The following SHC3 variants were observed in gnomAD, a reference collection of about 807,000 sequenced individuals.
SHC3 encodes SHC adaptor protein 3.
Under a neutral mutation model 60.4 loss-of-function variants are expected in SHC3, and 15 were observed. The observed-to-expected ratio is 0.25, with a 90% confidence interval of 0.17 to 0.38. The LOEUF (loss-of-function observed/expected upper bound fraction) is 0.38. Ranked by LOEUF, SHC3 falls within the 10% of genes least tolerant of loss-of-function variation. The pLI is 1.00. For synonymous variants in SHC3, 294 were observed against 325.9 expected, an observed-to-expected ratio of 0.90 and a Z score of 1.05; for missense variants, 677 against 786.1, an observed-to-expected ratio of 0.86 and a Z score of 1.66.
At chr9:89,165,047 A>C (rs1826765753) in intron 1 of SHC3, among the ~76,000 whole-genome samples, 1 of 152,234 alleles carries the variant, frequency 6.6e-6, no homozygotes, top group Admixed American at 6.5e-5. Flanking sequence ...CCTGTCTAAC[A>C]ATAGGGAACT....
At position 89,178,665 on chromosome 9, in the gene SHC3, C is replaced by T. The variant is rs1587774182; in HGVS notation, c.-205G>A. On this transcript the variant is annotated 5_prime_UTR_variant, in exon 1 of 12. Transcript: ENST00000375835. The surrounding 1 kb of genome is among the most constrained non-coding windows in gnomAD (Gnocchi z 6.9). ...CAGCACAGCGGCGGCCGCGCAGCCC[C>T]GGCCCGGGAGACCGCTGCTTGGGGT... The T allele has an allele frequency of 2.3e-6, 1 of 443,962 alleles. No homozygotes were observed. Among genetic ancestry groups the T allele is most frequent in the East Asian group, 3.6e-5 (1 of 27,802 alleles). 27.5% of individuals were successfully genotyped at this position (443,962 alleles called of 1,614,324 possible). A position where few individuals can be genotyped will look rare whatever the true frequency, so the allele number is the denominator to read the frequency against.
Position 89,009,721 on chromosome 9 carries a change from A to G in SHC3, c.*3726T>C, listed in dbSNP as rs1376402592. The G allele has an allele frequency of 2.0e-5, 3 of 152,220 alleles. No homozygotes were observed. Among genetic ancestry groups the G allele is most frequent in the African/African-American group, 7.2e-5 (3 of 41,442 alleles). The allele number at this position is 152,220 out of a possible 1,614,324, so 9.4% of individuals were successfully genotyped here. ...CATTGCCTCTGCCCTGGAAAGGCCT[A>G]TAGTCCGAGGCTTCTGCCCAGCTCA... On this transcript the variant is annotated 3_prime_UTR_variant, in exon 12 of 12. Coordinates refer to ENST00000375835, the MANE Select transcript of SHC3 (RefSeq NM_016848.6).
chr9:89,074,867 A>G (rs1011055931), intron 4 of SHC3, among the ~76,000 whole-genome samples: 3 of 150,978 alleles, frequency 2.0e-5, no homozygotes, highest in Non-Finnish European at 2.9e-5. Context: ...TTTTTTTTAC[A>G]TTGCAAGTAA....
intron 11 of SHC3, 73 bp downstream of exon 11, chr9:89,037,920 G>T: frequency 6.5e-7 from 1 of 1,541,752 alleles, no homozygotes; most frequent in South Asian, 1.2e-5. Context: ...GAGGGCATTT[G>T]ACAAAGTGGA....
At chr9:89,109,685 C>A (rs1328147308) in intron 2 of SHC3, 1 of 985,288 alleles carries the variant, frequency 1.0e-6, no homozygotes, top group African/African-American at 1.7e-5. Context: ...GTGAGGAGAC[C>A]ACCCCCATGC....
At chr9:89,129,978 T>A (rs1294851902) in intron 1 of SHC3, among the ~76,000 whole-genome samples, 1 of 152,068 alleles carries the variant, frequency 6.6e-6, no homozygotes, top group Non-Finnish European at 1.5e-5. Context: ...GGATAAACAG[T>A]CAAGACCCAT....
chr9:89,017,392 T>C (rs2118638183), intron 11 of SHC3, among the ~76,000 whole-genome samples: 1 of 152,250 alleles, frequency 6.6e-6, no homozygotes, highest in South Asian at 2.1e-4. Flanking sequence ...AAACATGCAA[T>C]GGGGAAAGGA....
At chr9:89,171,875 G>A (rs1174827073) in intron 1 of SHC3, among the ~76,000 whole-genome samples, 2 of 152,194 alleles carry the variant, frequency 1.3e-5, no homozygotes, top group African/African-American at 4.8e-5. Context: ...GACCAGCTGA[G>A]GTGCAGAGCA....
chr9:89,011,854 A>T lies in SHC3; in HGVS notation c.*1593T>A, dbSNP rs1309616408. 5 of 152,180 alleles carry T rather than the reference A, an allele frequency of 3.3e-5. No individual in the cohort carries two copies. Among genetic ancestry groups the T allele is most frequent in the Admixed American group, 3.3e-4 (5 of 15,278 alleles). The allele number at this position is 152,180 out of a possible 1,614,324, so 9.4% of individuals were successfully genotyped here. On this transcript the variant is annotated 3_prime_UTR_variant, in exon 12 of 12. Coordinates refer to ENST00000375835, the MANE Select transcript of SHC3 (RefSeq NM_016848.6). ...TGTATGAAGGCTGGGGCCTGCCCTG[A>T]CTCATCCTCACTGGTTAGCTCTAAC...
At chr9:89,123,909 A>G (rs551354788) in intron 1 of SHC3, among the ~76,000 whole-genome samples, 15 of 152,284 alleles carry the variant, frequency 9.9e-5, no homozygotes, top group African/African-American at 3.4e-4. Flanking sequence ...TAATATGAAC[A>G]TTTTATTGTT....
chr9:89,060,144 G>A (rs111825164), intron 6 of SHC3, among the ~76,000 whole-genome samples: 235 of 147,500 alleles, frequency 1.6e-3, no homozygotes, highest in African/African-American at 5.6e-3. Context: ...GGTGGAGGGC[G>A]GTGGTGGAGG....
At chr9:89,109,174 A>C (rs1010277306) in intron 2 of SHC3, 10 of 960,694 alleles carry the variant, frequency 1.0e-5, no homozygotes, top group African/African-American at 1.8e-5. Context: ...GCCTGTCTTA[A>C]TACTGCACAA....
At chr9:89,053,640 C>T (rs1009874240) in intron 6 of SHC3, among the ~76,000 whole-genome samples, 4 of 152,314 alleles carry the variant, frequency 2.6e-5, no homozygotes, top group African/African-American at 4.8e-5. Context: ...CCCTTGGATA[C>T]GGCAGTGTTA....
At chr9:89,128,526 G>C (rs555976690) in intron 1 of SHC3, among the ~76,000 whole-genome samples, 9 of 152,138 alleles carry the variant, frequency 5.9e-5, no homozygotes, top group Non-Finnish European at 1.2e-4. Flanking sequence ...ACCTCATACA[G>C]CTCGGTGCCC....
rs563073853 is a variant in SHC3 at position 89,051,803 on chromosome 9, C to T, written c.962+234G>A. 9.5e-4 allele frequency among the ~76,000 whole-genome samples: 144 copies of T among 152,278 alleles called. 1 individual carries two copies. The highest frequency in any genetic ancestry group is 1.3e-3 in the Non-Finnish European group (90 of 68,024). ...GTCGCTTTTCTGTAACCTTGGCGAC[C>T]GTCACTATAGTTTCAAGAAAATGTT... is the stretch of plus-strand genomic sequence containing the variant. On this transcript the variant is annotated intron_variant, in intron 7 of 11. Coordinates refer to ENST00000375835, the MANE Select transcript of SHC3 (RefSeq NM_016848.6).
chr9:89,158,111 C>T (rs1195562230), intron 1 of SHC3, among the ~76,000 whole-genome samples: 1 of 151,416 alleles, frequency 6.6e-6, no homozygotes, highest in African/African-American at 2.4e-5. Flanking sequence ...GATTGAAGAA[C>T]TTTTCTGTTT....
chr9:89,053,663 C>T (rs1357074004), intron 6 of SHC3, among the ~76,000 whole-genome samples: 1 of 152,150 alleles, frequency 6.6e-6, no homozygotes, highest in Non-Finnish European at 1.5e-5. Flanking sequence ...TTAGATATTG[C>T]CAAGAGATGT....
At chr9:89,126,385 G>A (rs1380249322) in intron 1 of SHC3, among the ~76,000 whole-genome samples, 2 of 152,204 alleles carry the variant, frequency 1.3e-5, no homozygotes, top group Non-Finnish European at 2.9e-5. Context: ...CTAAGAATGG[G>A]TTTGGTACCA....
At chr9:89,169,381 C>T (rs1826836776) in intron 1 of SHC3, among the ~76,000 whole-genome samples, 1 of 152,244 alleles carries the variant, frequency 6.6e-6, no homozygotes, top group Admixed American at 6.5e-5. Context: ...TTTGGTATCA[C>T]TGTTAAGCCC....
Sources: allele counts gnomAD v4.1 joint callset (sites outside exome capture counted in the v4.1 genomes callset), GRCh38; gene constraint gnomAD v4.1.1; non-coding constraint Gnocchi (gnomAD v3.1); transcripts MANE v1.5; gene names NCBI Gene and HGNC (gene_info 2026-07-23, HGNC 2026-07-21).